Variants in DIAPH2 observed in about 807,000 individuals in gnomAD.
The protein encoded by DIAPH2 is diaphanous related formin 2, also known as protein diaphanous homolog 2.
DIAPH2 carries 35 observed loss-of-function variants against 92.7 expected under a neutral mutation model. The ratio of observed to expected loss-of-function variants is 0.38; its 90% CI spans 0.29 to 0.50. The LOEUF is 0.50. Ranked by LOEUF, DIAPH2 falls within the 20% of genes least tolerant of loss-of-function variation. The pLI, the probability that DIAPH2 is intolerant of heterozygous loss-of-function variation, is 0.94. For synonymous variants in DIAPH2, 301 were observed against 280.4 expected, an observed-to-expected ratio of 1.07 and a Z score of -0.73; for missense variants, 701 against 819.5, an observed-to-expected ratio of 0.86 and a Z score of 1.77.
Position 97,360,246 on chromosome X carries a change from G to A in DIAPH2, c.3009+11966G>A, listed in dbSNP as rs937216490. Among the ~76,000 whole-genome samples the A allele has an allele frequency of 7.2e-5, 8 of 111,236 alleles. No homozygotes were observed. The South Asian group carries it at 1.9e-3, about 26-fold the overall frequency. On this transcript the variant is annotated intron_variant, in intron 24 of 26. Transcript: ENST00000324765. ...GTTTAGAATAGTGTATTATTTGTTC[G>A]TGCTCAATTGTCTTTGGTCTAGTAA...
intron 22 of DIAPH2, among the ~76,000 whole-genome samples, chrX:97,214,236 G>A (rs911908939): frequency 8.9e-6 from 1 of 111,769 alleles, no homozygotes; most frequent in Non-Finnish European, 1.9e-5. Flanking sequence ...ATTTGAAAAC[G>A]ACATGTTTTC....
intron 26 of DIAPH2, among the ~76,000 whole-genome samples, chrX:97,458,754 A>T (rs113439096): frequency 0.018 from 1,992 of 111,313 alleles, 44 homozygotes; most frequent in African/African-American, 0.061. Context: ...ATTACTTCAT[A>T]AAAAAAATGC....
At chrX:96,722,325 C>G (rs1245955320) in intron 1 of DIAPH2, among the ~76,000 whole-genome samples, 1 of 110,248 alleles carries the variant, frequency 9.1e-6, no homozygotes, top group East Asian at 2.8e-4. Context: ...CCACTGCACT[C>G]CAACCTGGGC....
chrX:97,290,721 C>T (rs2068582368), intron 23 of DIAPH2, among the ~76,000 whole-genome samples: 1 of 111,481 alleles, frequency 9.0e-6, no homozygotes, highest in South Asian at 3.8e-4. Context: ...TTGTTCTGAC[C>T]TTGGTTGGAA....
intron 17 of DIAPH2, among the ~76,000 whole-genome samples, chrX:97,027,892 G>C (rs749783876): frequency 1.8e-5 from 2 of 111,841 alleles, no homozygotes; most frequent in South Asian, 7.4e-4. Context: ...AACTTTTCTT[G>C]CAATTACATC....
At chrX:97,402,531 G>A (rs1467300962) in intron 25 of DIAPH2, among the ~76,000 whole-genome samples, 1 of 111,759 alleles carries the variant, frequency 8.9e-6, no homozygotes, top group African/African-American at 3.2e-5. Context: ...ATGTCTGAGA[G>A]TTTCCATTTG....
intron 17 of DIAPH2, among the ~76,000 whole-genome samples, chrX:97,069,048 C>T (rs977545416): frequency 3.6e-5 from 4 of 110,990 alleles, no homozygotes; most frequent in African/African-American, 6.6e-5. Flanking sequence ...CTGCAACCTC[C>T]GCCTCCCGGG....
chrX:97,384,178 A>G (rs1279673397), intron 25 of DIAPH2, 134 bp downstream of exon 25: 2 of 534,658 alleles, frequency 3.7e-6, no homozygotes, highest in Non-Finnish European at 5.9e-6. Flanking sequence ...AATTTCTCTC[A>G]TGATGCTATG....
chrX:97,457,596 A>G (rs747859622), intron 26 of DIAPH2, among the ~76,000 whole-genome samples: 21 of 111,596 alleles, frequency 1.9e-4, no homozygotes, highest in African/African-American at 6.5e-4. Context: ...GGACCGGGCT[A>G]TGGTTGTCTC....
rs2070179499 is a variant in DIAPH2 at position 97,435,862 on chromosome X, C to G, written c.3241+6117C>G. 3.0e-5 allele frequency among the ~76,000 whole-genome samples: 3 copies of G among 99,386 alleles called. No homozygotes were observed. In the South Asian group the frequency reaches 1.5e-3, roughly 48 times the overall value. The allele number at this position is 99,386 out of a possible 115,157, so 86.3% of individuals were successfully genotyped here. A position where few individuals can be genotyped will look rare whatever the true frequency, so the allele number is the denominator to read the frequency against. The stretch of plus-strand genomic sequence containing the variant: ...TCACTCTGTTGCCCAGGCTGGAGTG[C>G]GGTGGCGCGATCTTGGCTCACTGCA... On this transcript the variant is annotated intron_variant, in intron 26 of 26. Transcript: ENST00000324765.
intron 23 of DIAPH2, among the ~76,000 whole-genome samples, chrX:97,289,686 G>A (rs2068573647): frequency 9.0e-6 from 1 of 110,830 alleles, no homozygotes. Context: ...TGCTTAAGGT[G>A]AGGTTGAAGC....
At chrX:96,978,639 T>A (rs1237166536) in intron 17 of DIAPH2, among the ~76,000 whole-genome samples, 1 of 110,683 alleles carries the variant, frequency 9.0e-6, no homozygotes, top group Non-Finnish European at 1.9e-5. Context: ...TTGTTGTGAA[T>A]AATATTAATT....
chrX:96,902,061 C>T (rs781590023), intron 5 of DIAPH2, among the ~76,000 whole-genome samples: 3 of 111,817 alleles, frequency 2.7e-5, no homozygotes, highest in African/African-American at 9.7e-5. Flanking sequence ...TCATTCAAAA[C>T]CAGACTAATT....
At chrX:97,224,721 A>T (rs761289760) in intron 22 of DIAPH2, among the ~76,000 whole-genome samples, 28 of 111,967 alleles carry the variant, frequency 2.5e-4, no homozygotes, top group African/African-American at 8.4e-4. Context: ...GATCTGTCTT[A>T]TAAAATTACC....
intron 9 of DIAPH2, among the ~76,000 whole-genome samples, chrX:96,923,806 G>A (rs1463154567): frequency 2.7e-5 from 3 of 111,416 alleles, no homozygotes; most frequent in African/African-American, 3.3e-5. Context: ...AGTACCTCCC[G>A]AGATACTGAG....
chrX:97,092,516 G>A (rs1289069494), intron 19 of DIAPH2, among the ~76,000 whole-genome samples: 3 of 112,389 alleles, frequency 2.7e-5, no homozygotes. Flanking sequence ...AGGGTATTAT[G>A]GATGCTCCAT....
intron 21 of DIAPH2, among the ~76,000 whole-genome samples, chrX:97,137,646 G>GC (rs1335739781): frequency 1.8e-5 from 2 of 110,424 alleles, no homozygotes; most frequent in Non-Finnish European, 3.8e-5. Flanking sequence ...AAAAGGAAGG[G>GC]CGTCCACACA....
At chrX:97,016,270 T>C (rs1200585445) in intron 17 of DIAPH2, among the ~76,000 whole-genome samples, 5 of 112,051 alleles carry the variant, frequency 4.5e-5, no homozygotes, top group African/African-American at 1.6e-4. Context: ...GGCTAAATTG[T>C]TCCCATTTGT....
rs754488948 is a variant in DIAPH2, at chrX:97,482,965, A to G, written c.3241+53220A>G. On this transcript the variant is annotated intron_variant, in intron 26 of 26. Transcript: ENST00000324765. ...CCTAAAGAACTTAGTAATAAATACA[A>G]AAATGACCATATAGCTCCAGTCAGA... Among the ~76,000 whole-genome samples the G allele has an allele frequency of 7.2e-5, 8 of 111,618 alleles. No individual in the cohort carries two copies. The East Asian group carries it at 2.3e-3, about 31-fold the overall frequency.
Sources: gnomAD v4.1 joint callset for allele counts (sites outside exome capture counted in the v4.1 genomes callset) on GRCh38, gnomAD v4.1.1 for gene constraint, MANE v1.5 for transcripts, NCBI Gene and HGNC (gene_info 2026-07-23, HGNC 2026-07-21) for gene names.